The following RAD51B variants were observed in gnomAD, a reference collection of about 807,000 sequenced individuals.
RAD51B encodes DNA repair protein RAD51 homolog 2.
Under a neutral mutation model 42.2 loss-of-function variants are expected in RAD51B, and 38 were observed. The ratio of observed to expected loss-of-function variants is 0.90; its 90% confidence interval spans 0.70 to 1.18. RAD51B has a LOEUF of 1.18. RAD51B is among the 50% of genes most tolerant of loss of function. The pLI is 0.00. For missense variants in RAD51B, 373 were observed against 400.7 expected, an observed-to-expected ratio of 0.93 and a Z score of 0.59; for synonymous variants, 154 against 145.2, an observed-to-expected ratio of 1.06 and a Z score of -0.43.
chr14:68,493,390 GA>G (rs142345606), intron 10 of RAD51B, among the ~76,000 whole-genome samples: 1 of 151,900 alleles, frequency 6.6e-6, no homozygotes, highest in Admixed American at 6.6e-5. Flanking sequence ...CTCCCTCCAA[GA>G]AAAAAACAGC....
At chr14:68,244,588 T>C (rs1406179541) in intron 7 of RAD51B, among the ~76,000 whole-genome samples, 1 of 152,106 alleles carries the variant, frequency 6.6e-6, no homozygotes, top group Non-Finnish European at 1.5e-5. Flanking sequence ...ATAATTAGAG[T>C]GAATGAAACA....
chr14:68,597,330 G>A (rs1891040038), downstream of RAD51B, among the ~76,000 whole-genome samples: 1 of 152,096 alleles, frequency 6.6e-6, no homozygotes, highest in Non-Finnish European at 1.5e-5. Context: ...GGTTGTTAGG[G>A]GACATTGAGG....
intron 8 of RAD51B, among the ~76,000 whole-genome samples, chr14:68,293,762 A>G (rs949246472): frequency 6.6e-6 from 1 of 152,196 alleles, no homozygotes; most frequent in Non-Finnish European, 1.5e-5. Context: ...TCAACTGTAT[A>G]AAGAAAAAGT....
At chr14:67,843,131 CTT>C (rs201989213) in intron 4 of RAD51B, among the ~76,000 whole-genome samples, 2 of 141,494 alleles carry the variant, frequency 1.4e-5, no homozygotes, top group African/African-American at 5.2e-5. Context: ...CTGATGCTTT[CTT>C]TTTTTTTTTC....
intron 8 of RAD51B, among the ~76,000 whole-genome samples, chr14:68,380,981 C>T (rs942900794): frequency 2.6e-5 from 4 of 152,206 alleles, no homozygotes; most frequent in Non-Finnish European, 5.9e-5. Context: ...TCTATTGATA[C>T]ATTTCTAAAT....
intron 7 of RAD51B, among the ~76,000 whole-genome samples, chr14:68,146,626 C>T (rs2078255138): frequency 1.3e-5 from 2 of 152,074 alleles, no homozygotes; most frequent in Admixed American, 6.6e-5. Flanking sequence ...AGGTTTTAAA[C>T]GGAAGTTAAG....
intron 5 of RAD51B, 69 bp downstream of exon 5, chr14:67,865,208 C>T: frequency 2.3e-6 from 3 of 1,297,300 alleles, no homozygotes; most frequent in Non-Finnish European, 2.0e-6. Context: ...AACATTTACA[C>T]ATAGGTTAAC....
intron 7 of RAD51B, among the ~76,000 whole-genome samples, chr14:68,067,417 T>C (rs1021372017): frequency 6.7e-6 from 1 of 148,978 alleles, no homozygotes; most frequent in African/African-American, 2.5e-5. Context: ...TGAGCCGAGA[T>C]TGTGCCACTG....
chr14:67,836,529 A>C (rs1410260717), intron 4 of RAD51B, among the ~76,000 whole-genome samples: 1 of 146,994 alleles, frequency 6.8e-6, no homozygotes, highest in Admixed American at 6.9e-5. Flanking sequence ...TCTGTTGCCC[A>C]GGCTGAAGTG....
intron 10 of RAD51B, among the ~76,000 whole-genome samples, chr14:68,488,626 T>C (rs1249970307): frequency 6.6e-6 from 1 of 152,220 alleles, no homozygotes; most frequent in East Asian, 1.9e-4. Flanking sequence ...TTAGCGGGAA[T>C]CCCCCTAGCC....
chr14:68,318,544 G>A (rs1233558968), intron 8 of RAD51B, among the ~76,000 whole-genome samples: 1 of 152,188 alleles, frequency 6.6e-6, no homozygotes, highest in Non-Finnish European at 1.5e-5. Context: ...TTTCCATCAG[G>A]AAGGAAAGAA....
chr14:68,459,051 T>C (rs1013201881), intron 9 of RAD51B, among the ~76,000 whole-genome samples: 2 of 152,232 alleles, frequency 1.3e-5, no homozygotes, highest in Non-Finnish European at 2.9e-5. Flanking sequence ...GACTGGGAGT[T>C]GGACCTCTGC....
intron 4 of RAD51B, among the ~76,000 whole-genome samples, chr14:67,851,825 G>A (rs1035796697): frequency 6.6e-6 from 1 of 152,108 alleles, no homozygotes; most frequent in African/African-American, 2.4e-5. Context: ...CCACCCTAGA[G>A]AAACAGAGCT....
intron 4 of RAD51B, among the ~76,000 whole-genome samples, chr14:67,845,291 G>T (rs915816740): frequency 1.3e-4 from 20 of 152,172 alleles, no homozygotes; most frequent in African/African-American, 4.6e-4. Context: ...CGTAAGGCAG[G>T]TCTAATGGTA....
chr14:67,841,708 T>A (rs900759944), intron 4 of RAD51B, among the ~76,000 whole-genome samples: 5 of 152,208 alleles, frequency 3.3e-5, no homozygotes, highest in Admixed American at 6.5e-5. Context: ...TCGTTGACTT[T>A]GTCAAAGATC....
intron 7 of RAD51B, among the ~76,000 whole-genome samples, chr14:68,154,510 T>A (rs1010602449): frequency 2.3e-4 from 35 of 152,216 alleles, no homozygotes; most frequent in African/African-American, 8.2e-4. Context: ...AGTACTCTGA[T>A]GAATATTTGA....
rs74901851 is a variant in RAD51B, at chr14:68,135,380, T to C, written c.757-156504T>C. ...TATTAGACAGTGCAGCAACGTCCCA[T>C]GTTGCTTTGTTTATATAAATTTAGC... On this transcript the variant is annotated intron_variant, in intron 7 of 10. Coordinates refer to ENST00000471583, the MANE Select transcript of RAD51B (RefSeq NM_133510.4). Among the ~76,000 whole-genome samples, 564 of 152,322 alleles carry C rather than the reference T, an allele frequency of 3.7e-3. 20 individuals carry two copies. In the East Asian group the frequency reaches 0.074, roughly 20 times the overall value.
chr14:67,894,642 G>A lies in RAD51B; in HGVS notation c.756+7438G>A, dbSNP rs546125252. 8.0e-4 allele frequency among the ~76,000 whole-genome samples: 122 copies of A among 152,274 alleles called. 1 individual carries two copies. The highest frequency in any genetic ancestry group is 2.9e-3 in the African/African-American group (121 of 41,566). ...GTTTCTTAAAATATGTAAGTAGCTT[G>A]TAAGTAACTTCTCTGTCTGTCCTTT... On this transcript the variant is annotated intron_variant, in intron 7 of 10. Coordinates refer to ENST00000471583, the MANE Select transcript of RAD51B (RefSeq NM_133510.4).
intron 7 of RAD51B, among the ~76,000 whole-genome samples, chr14:68,109,053 T>A (rs1178360680): frequency 1.3e-5 from 2 of 152,024 alleles, no homozygotes; most frequent in Admixed American, 6.6e-5. Context: ...ATTCCTTTTT[T>A]AAAAACTTAA....
Sources: gnomAD v4.1 joint callset for allele counts (sites outside exome capture counted in the v4.1 genomes callset) on GRCh38, gnomAD v4.1.1 for gene constraint, MANE v1.5 for transcripts, NCBI Gene and HGNC (gene_info 2026-07-23, HGNC 2026-07-21) for gene names.